Variants in DAB1 observed in about 807,000 individuals in gnomAD.
DAB1 encodes the protein disabled homolog 1.
DAB1 carries 15 observed loss-of-function variants against 64.6 expected under a neutral mutation model. The ratio of observed to expected loss-of-function variants is 0.23; its 90% CI spans 0.16 to 0.36. The LOEUF (loss-of-function observed/expected upper bound fraction) is 0.36, where lower values mean the gene tolerates loss of function less well. Ranked by LOEUF, DAB1 falls within the 10% of genes least tolerant of loss-of-function variation. The pLI, the probability that DAB1 is intolerant of heterozygous loss-of-function variation, is 1.00. For synonymous variants in DAB1, 235 were observed against 251.9 expected (o/e 0.93, Z 0.64); for missense variants, 596 against 706.7 (o/e 0.84, Z 1.78).
At chr1:57,257,283 T>A (rs1015676370) in intron 2 of DAB1, among the ~76,000 whole-genome samples, 3 of 152,166 alleles carry the variant, frequency 2.0e-5, no homozygotes, top group Non-Finnish European at 4.4e-5. Flanking sequence ...TCTCCAACAC[T>A]GCCAGCTGCT....
intron 5 of DAB1, among the ~76,000 whole-genome samples, chr1:57,890,734 GTCTT>G (rs1157404689): frequency 2.0e-5 from 3 of 152,086 alleles, no homozygotes; most frequent in African/African-American, 4.8e-5. Flanking sequence ...GAGTCACCAT[GTCTT>G]TCTATTTTCT....
At chr1:57,151,064 T>C (rs1380258320) in intron 2 of DAB1, among the ~76,000 whole-genome samples, 1 of 152,146 alleles carries the variant, frequency 6.6e-6, no homozygotes, top group East Asian at 1.9e-4. Context: ...GGCCAATTAA[T>C]GTACTTGCAA....
chr1:57,444,404 T>G (rs752158033), intron 7 of DAB1, among the ~76,000 whole-genome samples: 1 of 152,246 alleles, frequency 6.6e-6, no homozygotes, highest in Non-Finnish European at 1.5e-5. Context: ...CAATAGATTA[T>G]AAGCTTCATC....
At chr1:57,193,221 A>G (rs1359384197) in intron 2 of DAB1, among the ~76,000 whole-genome samples, 2 of 150,918 alleles carry the variant, frequency 1.3e-5, no homozygotes, top group South Asian at 2.1e-4. Flanking sequence ...CCTCTCCACC[A>G]CCCACCCCAC....
At chr1:57,779,466 G>A (rs542737441) in intron 6 of DAB1, among the ~76,000 whole-genome samples, 9 of 152,260 alleles carry the variant, frequency 5.9e-5, no homozygotes, top group African/African-American at 1.9e-4. Context: ...TCATTACAGA[G>A]ATTTGTTTGT....
chr1:58,085,819 T>C (rs1166859868), intron 5 of DAB1, among the ~76,000 whole-genome samples: 3 of 152,138 alleles, frequency 2.0e-5, no homozygotes, highest in Admixed American at 2.0e-4. Flanking sequence ...CATTTCAAGG[T>C]AATGTATTTA....
At chr1:58,089,026 A>G (rs1650483626) in intron 5 of DAB1, among the ~76,000 whole-genome samples, 1 of 152,260 alleles carries the variant, frequency 6.6e-6, no homozygotes, top group South Asian at 2.1e-4. Flanking sequence ...ATAAGCCACA[A>G]CGCAGCAAAA....
chr1:57,621,196 T>C (rs1366950640), intron 7 of DAB1, among the ~76,000 whole-genome samples: 4 of 151,830 alleles, frequency 2.6e-5, no homozygotes, highest in African/African-American at 9.7e-5. Context: ...TATGTGTGTG[T>C]GCACATGCAC....
chr1:57,191,602 C>T (rs573190914), intron 2 of DAB1, among the ~76,000 whole-genome samples: 15 of 152,268 alleles, frequency 9.9e-5, no homozygotes, highest in African/African-American at 3.6e-4. Flanking sequence ...CAGTGTTCTA[C>T]AACTCATCCT....
At chr1:57,435,916 CTTTTTTT>C (rs1183686656) in intron 7 of DAB1, among the ~76,000 whole-genome samples, 1 of 127,204 alleles carries the variant, frequency 7.9e-6, no homozygotes. Context: ...TTTTTTCTTT[CTTTTTTT>C]TTTTTTTTTT....
At chr1:57,367,574 G>A (rs746984863) in intron 1 of DAB1, among the ~76,000 whole-genome samples, 6 of 152,208 alleles carry the variant, frequency 3.9e-5, no homozygotes, top group Non-Finnish European at 8.8e-5. Flanking sequence ...AACCATGTAA[G>A]TTCAAGTCTA....
chr1:57,341,959 ACCTTATG>A (rs1677625448), intron 1 of DAB1, among the ~76,000 whole-genome samples: 1 of 152,194 alleles, frequency 6.6e-6, no homozygotes, highest in Non-Finnish European at 1.5e-5. Flanking sequence ...ATTGTCTGGT[ACCTTATG>A]CCAGGCATTA....
intron 2 of DAB1, among the ~76,000 whole-genome samples, chr1:57,272,544 C>G (rs2100595023): frequency 6.6e-6 from 1 of 152,294 alleles, no homozygotes. Flanking sequence ...TCTAAATTGT[C>G]TCTCTGAGAG....
At chr1:58,109,762 T>C (rs1175764595) in intron 5 of DAB1, among the ~76,000 whole-genome samples, 1 of 151,348 alleles carries the variant, frequency 6.6e-6, no homozygotes, top group Non-Finnish European at 1.5e-5. Flanking sequence ...GGGGGTATAG[T>C]AAACAAAGTG....
At chr1:57,655,911 A>G (rs1646313138) in intron 6 of DAB1, among the ~76,000 whole-genome samples, 1 of 152,202 alleles carries the variant, frequency 6.6e-6, no homozygotes, top group Non-Finnish European at 1.5e-5. Flanking sequence ...CTGTGACTAC[A>G]TAGGAAAGTC....
intron 9 of DAB1, among the ~76,000 whole-genome samples, chr1:57,058,633 G>A (rs1450580785): frequency 2.0e-5 from 3 of 152,180 alleles, no homozygotes; most frequent in Admixed American, 6.5e-5. Flanking sequence ...AATTGCTAAT[G>A]TACACTGAGT....
At position 57,633,038 on chromosome 1, in the gene DAB1, C is replaced by A. The variant is rs187895410; in HGVS notation, n.625+16554G>T. 5.4e-3 allele frequency among the ~76,000 whole-genome samples: 820 copies of A among 152,270 alleles called. 2 individuals carry two copies. Among genetic ancestry groups the A allele is most frequent in the Non-Finnish European group, 7.9e-3 (537 of 68,018 alleles). On this transcript the variant is annotated intron_variant and non_coding_transcript_variant, in intron 7 of 20. Coordinates refer to the DAB1 transcript ENST00000485760. ...GACAGTAAGTATTCAGTAAACATGGCTTTTCCATATGTTTTACAGTTAAGA... is the reference window on the plus strand; with the variant it reads ...GACAGTAAGTATTCAGTAAACATGGATTTTCCATATGTTTTACAGTTAAGA...
intron 2 of DAB1, among the ~76,000 whole-genome samples, chr1:58,522,786 ATGT>A (rs750926797): frequency 1.3e-5 from 2 of 152,220 alleles, no homozygotes; most frequent in Non-Finnish European, 2.9e-5. Context: ...AGAAAGGAAA[ATGT>A]TATTAAGAAA....
chr1:58,362,654 A>G (rs1644178887), intron 3 of DAB1, among the ~76,000 whole-genome samples: 1 of 152,204 alleles, frequency 6.6e-6, no homozygotes, highest in Admixed American at 6.5e-5. Flanking sequence ...TATTACCTCA[A>G]TTTAATACTC....
Sources: gnomAD v4.1 joint callset for allele counts (sites outside exome capture counted in the v4.1 genomes callset) on GRCh38, gnomAD v4.1.1 for gene constraint, MANE v1.5 for transcripts, NCBI Gene and HGNC (gene_info 2026-07-23, HGNC 2026-07-21) for gene names.